SUGCT: variants seen among roughly 807,000 people sequenced by gnomAD.
SUGCT encodes succinyl-CoA:glutarate-CoA transferase.
A neutral mutation model predicts 55.0 loss-of-function variants in SUGCT; 41 were observed. That is an observed-to-expected ratio of 0.74 (90% CI 0.58 to 0.97). The LOEUF (loss-of-function observed/expected upper bound fraction) is 0.97, where lower values mean the gene tolerates loss of function less well. Among genes scored for constraint, SUGCT ranks in the 50% least tolerant of loss-of-function variants. The pLI, the probability that SUGCT is intolerant of heterozygous loss-of-function variation, is 0.00. For synonymous variants in SUGCT, 187 were observed against 200.4 expected (o/e 0.93, Z 0.56); for missense variants, 568 against 547.8 (o/e 1.04, Z -0.37).
At chr7:40,425,063 A>G (rs909625282) in intron 9 of SUGCT, among the ~76,000 whole-genome samples, 4 of 152,170 alleles carry the variant, frequency 2.6e-5, no homozygotes, top group Admixed American at 2.0e-4. Context: ...AAACTCATGT[A>G]GTTGAACATT....
intron 13 of SUGCT, among the ~76,000 whole-genome samples, chr7:40,777,791 G>A (rs1201072120): frequency 6.6e-6 from 1 of 152,096 alleles, no homozygotes; most frequent in Non-Finnish European, 1.5e-5. Flanking sequence ...CTCCTGTGAA[G>A]GAGGATTGAT....
At chr7:40,554,554 A>G (rs1315508248) in intron 12 of SUGCT, among the ~76,000 whole-genome samples, 12 of 152,220 alleles carry the variant, frequency 7.9e-5, no homozygotes, top group Admixed American at 7.9e-4. Flanking sequence ...GGTAATTTTA[A>G]TGACCAATGT....
chr7:40,321,081 T>TC (rs1487692485), intron 9 of SUGCT, among the ~76,000 whole-genome samples: 2 of 143,218 alleles, frequency 1.4e-5, no homozygotes, highest in Admixed American at 7.1e-5. Context: ...TTTCTTTCTT[T>TC]TTTTTTTTTT....
At chr7:40,982,136 A>G in the SUGCT span, among the ~76,000 whole-genome samples, 1 of 131,236 alleles carries the variant, frequency 7.6e-6, no homozygotes, top group African/African-American at 2.5e-5. Context: ...TTTTCAACGT[A>G]TATAAAGCAC....
At chr7:41,004,713 T>G in the SUGCT span, among the ~76,000 whole-genome samples, 3 of 152,326 alleles carry the variant, frequency 2.0e-5, no homozygotes, top group Non-Finnish European at 4.4e-5. Context: ...ATGTACCCAG[T>G]GTTTTGAATT....
chr7:40,673,549 T>G lies in SUGCT; in HGVS notation c.1090-75885T>G, dbSNP rs535890303. Among the ~76,000 whole-genome samples, 9 of 152,346 alleles carry G rather than the reference T, an allele frequency of 5.9e-5. No individual in the cohort carries two copies. The East Asian group carries it at 1.7e-3, about 29-fold the overall frequency. ...AAGCCTTCTTTTCCTTTTTTATTTA[T>G]TTATGAATGAAACTCTCTGTGAGGA... On this transcript the variant is annotated intron_variant, in intron 12 of 13. Coordinates refer to ENST00000335693, the MANE Select transcript of SUGCT (RefSeq NM_001193313.2).
intron 9 of SUGCT, among the ~76,000 whole-genome samples, chr7:40,371,737 C>T (rs547495349): frequency 4.9e-4 from 75 of 151,864 alleles, no homozygotes; most frequent in Non-Finnish European, 4.4e-5. Flanking sequence ...TTAATTGTCA[C>T]TGTTCAATTA....
chr7:40,735,775 T>C (rs1787121618), intron 12 of SUGCT, among the ~76,000 whole-genome samples: 1 of 152,168 alleles, frequency 6.6e-6, no homozygotes, highest in African/African-American at 2.4e-5. Flanking sequence ...ACAGTAGATA[T>C]TCTAACCTGT....
intron 10 of SUGCT, 77 bp downstream of exon 10, chr7:40,449,435 C>A: frequency 2.0e-6 from 2 of 990,224 alleles, no homozygotes; most frequent in Non-Finnish European, 3.2e-6. Context: ...AGGTCACAAC[C>A]AACTTAGGCC....
chr7:40,690,951 C>G (rs1021498443), intron 12 of SUGCT, among the ~76,000 whole-genome samples: 1 of 152,200 alleles, frequency 6.6e-6, no homozygotes, highest in Non-Finnish European at 1.5e-5. Context: ...CAGACACCCT[C>G]AAGGTCTGGT....
chr7:40,493,180 A>C (rs1791787714), intron 11 of SUGCT, among the ~76,000 whole-genome samples: 1 of 152,218 alleles, frequency 6.6e-6, no homozygotes, highest in African/African-American at 2.4e-5. Flanking sequence ...TCTCAGCTTT[A>C]AACATGACAT....
chr7:40,548,186 C>CTTTTTTTTTTTTTTTTTTTTTTTTTTTT (rs1186226631), intron 12 of SUGCT, among the ~76,000 whole-genome samples: 4 of 105,006 alleles, frequency 3.8e-5, no homozygotes, highest in Non-Finnish European at 3.8e-5. Flanking sequence ...TTCTTTCTTT[C>CTTTTTTTTTTTTTTTTTTTTTTTTTTTT]TTTTTTTTTT....
intron 9 of SUGCT, among the ~76,000 whole-genome samples, chr7:40,338,167 T>C (rs563734018): frequency 6.6e-6 from 1 of 152,324 alleles, no homozygotes; most frequent in Non-Finnish European, 1.5e-5. Context: ...CCTTTCTCTC[T>C]GGCTGCCCTT....
chr7:40,221,425 A>G, intron 6 of SUGCT, among the ~76,000 whole-genome samples: 1 of 151,736 alleles, frequency 6.6e-6, no homozygotes. Flanking sequence ...AAAAAAAAAA[A>G]AAATCTAATT....
intron 9 of SUGCT, among the ~76,000 whole-genome samples, chr7:40,350,277 C>CTTATTTATTTAT (rs202108546): frequency 2.9e-5 from 4 of 137,120 alleles, no homozygotes; most frequent in Non-Finnish European, 3.1e-5. Flanking sequence ...ATTACTATAT[C>CTTATTTATTTAT]TTATTTATTT....
the SUGCT span, among the ~76,000 whole-genome samples, chr7:40,903,872 A>G: frequency 4.6e-5 from 7 of 152,318 alleles, no homozygotes; most frequent in Non-Finnish European, 8.8e-5. Context: ...TGAGATTGAC[A>G]ACTGACCTTG....
In SUGCT at chr7:40,399,450, T is replaced by C. The variant is rs145691229; in HGVS notation, c.817-49837T>C. ...TAACTAGGAGGTCCAGGCATAGAAC[T>C]ACTCTCAAACCAGCTTGATTCATGG... On this transcript the variant is annotated intron_variant, in intron 9 of 13. Transcript: ENST00000335693. Among the ~76,000 whole-genome samples, 269 of 152,330 alleles carry C rather than the reference T, an allele frequency of 1.8e-3. 1 individual carries two copies. Among genetic ancestry groups the C allele is most frequent in the African/African-American group, 6.2e-3 (257 of 41,586 alleles).
At chr7:40,178,388 T>C (rs951541853) in intron 1 of SUGCT, among the ~76,000 whole-genome samples, 3 of 152,152 alleles carry the variant, frequency 2.0e-5, no homozygotes, top group African/African-American at 7.2e-5. Context: ...AATTTCTAGA[T>C]TACCTTTGAA....
intron 7 of SUGCT, 123 bp downstream of exon 7, chr7:40,237,849 T>C: frequency 1.4e-6 from 1 of 692,126 alleles, no homozygotes; most frequent in Non-Finnish European, 2.4e-6. Context: ...ATTGCTGTTT[T>C]TGCCATTGAA....
Sources: gnomAD v4.1 joint callset for allele counts (sites outside exome capture counted in the v4.1 genomes callset) on GRCh38, gnomAD v4.1.1 for gene constraint, MANE v1.5 for transcripts, NCBI Gene and HGNC (gene_info 2026-07-23, HGNC 2026-07-21) for gene names.